The following SLC16A7 variants were observed in gnomAD, a reference collection of about 807,000 sequenced individuals.
The protein encoded by SLC16A7 is monocarboxylate transporter 2.
In SLC16A7, 33 loss-of-function variants were observed where a neutral mutation model predicts 34.9. The ratio of observed to expected loss-of-function variants is 0.94; its 90% CI spans 0.72 to 1.26. The LOEUF is 1.26. Ranked by LOEUF, SLC16A7 falls within the 50% of genes most tolerant of loss-of-function variation. The probability of loss-of-function intolerance (pLI) is 0.00; values close to 1 mark genes in which losing one functional copy is unlikely to be tolerated. For missense variants in SLC16A7, 573 were observed against 578.1 expected, an observed-to-expected ratio of 0.99 and a Z score of 0.09; for synonymous variants, 201 against 206.6, an observed-to-expected ratio of 0.97 and a Z score of 0.23.
At chr12:59,760,001 C>G (rs1880836802) in intron 3 of SLC16A7, among the ~76,000 whole-genome samples, 1 of 151,918 alleles carries the variant, frequency 6.6e-6, no homozygotes. Context: ...TGTGAACACC[C>G]TGGAATTTTC....
At chr12:59,690,953 T>C (rs1249289262) in intron 2 of SLC16A7, among the ~76,000 whole-genome samples, 3 of 151,978 alleles carry the variant, frequency 2.0e-5, no homozygotes, top group African/African-American at 7.2e-5. Context: ...AAGAAAATTT[T>C]ATATTTAATA....
chr12:59,645,711 A>G (rs935471641), intron 1 of SLC16A7, among the ~76,000 whole-genome samples: 3 of 152,158 alleles, frequency 2.0e-5, no homozygotes, highest in African/African-American at 7.2e-5. Flanking sequence ...TGTGGAAGCA[A>G]CTTTGGAACT....
rs143688916 is a variant in SLC16A7, at chr12:59,775,224, G to A, written c.929G>A (p.Arg310Gln). 2.8e-5 allele frequency: 45 copies of A among 1,614,066 alleles called. No homozygotes were observed. Among genetic ancestry groups the A allele is most frequent in the Non-Finnish European group, 3.4e-5 (40 of 1,179,980 alleles). ...TTAATTGCAAACTCCAAATATATTC[G>A]ACCTCGAATTCAGTACTTCTTCAGT... ...VGLIANSKYI[R>Q]PRIQYFFSFA... Residue 310 changes from arginine (R) to glutamine (Q), a missense_variant, in exon 5 of 6, where the codon CGA becomes CAA. By Grantham distance (43) the Arg-to-Gln change is conservative. Coordinates refer to ENST00000547379, the MANE Select transcript of SLC16A7 (RefSeq NM_001270623.2).
intron 1 of SLC16A7, among the ~76,000 whole-genome samples, chr12:59,598,184 T>C (rs1386155737): frequency 6.6e-6 from 1 of 152,242 alleles, no homozygotes; most frequent in African/African-American, 2.4e-5. Context: ...AAAAAGGGAA[T>C]TAACTTTAGA....
intron 3 of SLC16A7, among the ~76,000 whole-genome samples, chr12:59,750,848 G>C (rs1398544259): frequency 6.6e-6 from 1 of 152,102 alleles, no homozygotes; most frequent in Non-Finnish European, 1.5e-5. Context: ...AAGAAAATGT[G>C]GCGCATATAC....
chr12:59,619,384 A>T (rs1473085474), intron 1 of SLC16A7, among the ~76,000 whole-genome samples: 1 of 152,066 alleles, frequency 6.6e-6, no homozygotes, highest in Non-Finnish European at 1.5e-5. Flanking sequence ...GTTTCAATTA[A>T]AAGGTTTGCA....
chr12:59,620,195 A>G (rs915138937), intron 1 of SLC16A7, among the ~76,000 whole-genome samples: 2 of 151,732 alleles, frequency 1.3e-5, no homozygotes, highest in Non-Finnish European at 2.9e-5. Flanking sequence ...TTTTGCAACC[A>G]TTGTTCCCTG....
chr12:59,617,973 C>A (rs1001552592), intron 1 of SLC16A7, among the ~76,000 whole-genome samples: 1 of 151,808 alleles, frequency 6.6e-6, no homozygotes, highest in East Asian at 1.9e-4. Flanking sequence ...CTGGTAAAAG[C>A]TTTTAATTAC....
In SLC16A7 at chr12:59,789,775, A is replaced by G. The variant is rs1217100623; in HGVS notation, c.*10096A>G. The G allele has an allele frequency of 2.6e-5, 4 of 151,410 alleles. No individual in the cohort carries two copies. Among genetic ancestry groups the G allele is most frequent in the Admixed American group, 2.6e-4 (4 of 15,158 alleles). 9.4% of individuals were successfully genotyped at this position (151,410 alleles called of 1,614,324 possible). The stretch of plus-strand genomic sequence containing the variant: ...AGAAAGTACATGCATATATATTTCT[A>G]TAATATGTAAGAAAAAACCTGTATT... On this transcript the variant is annotated 3_prime_UTR_variant, in exon 6 of 6. Coordinates refer to ENST00000547379, the MANE Select transcript of SLC16A7 (RefSeq NM_001270623.2).
chr12:59,703,953 A>G (rs1027333594), intron 2 of SLC16A7, among the ~76,000 whole-genome samples: 9 of 151,896 alleles, frequency 5.9e-5, no homozygotes, highest in African/African-American at 2.2e-4. Context: ...CGTAATCCCA[A>G]CACATTGGGA....
At chr12:59,634,163 C>G (rs1880313834) in intron 1 of SLC16A7, among the ~76,000 whole-genome samples, 1 of 151,988 alleles carries the variant, frequency 6.6e-6, no homozygotes, top group Non-Finnish European at 1.5e-5. Context: ...CATACTACAT[C>G]AGGTCTGCCT....
intron 3 of SLC16A7, among the ~76,000 whole-genome samples, chr12:59,716,487 C>T (rs1874919131): frequency 1.3e-5 from 2 of 152,122 alleles, no homozygotes; most frequent in African/African-American, 4.8e-5. Context: ...TTTGGAATTT[C>T]TTTTAAATTT....
At chr12:59,624,155 C>T (rs1879819567) in intron 1 of SLC16A7, among the ~76,000 whole-genome samples, 1 of 151,412 alleles carries the variant, frequency 6.6e-6, no homozygotes, top group Admixed American at 6.6e-5. Context: ...CCAGCCAACT[C>T]AATAATTAAA....
intron 1 of SLC16A7, among the ~76,000 whole-genome samples, chr12:59,602,461 C>T (rs1389961945): frequency 6.7e-6 from 1 of 148,666 alleles, no homozygotes; most frequent in Non-Finnish European, 1.5e-5. Context: ...GTATGTCTTC[C>T]CCAGTTTGTG....
intron 1 of SLC16A7, among the ~76,000 whole-genome samples, chr12:59,605,186 G>A (rs1257849983): frequency 1.3e-5 from 2 of 152,096 alleles, no homozygotes; most frequent in Non-Finnish European, 2.9e-5. Flanking sequence ...TAATGAGTTT[G>A]GGTCTGTTAC....
chr12:59,740,056 C>T (rs1215846831), intron 3 of SLC16A7, among the ~76,000 whole-genome samples: 4 of 151,134 alleles, frequency 2.6e-5, no homozygotes, highest in South Asian at 2.1e-4. Context: ...TAATTAGATC[C>T]CATTTGTCAA....
At chr12:59,672,658 A>G (rs924562807) in intron 2 of SLC16A7, among the ~76,000 whole-genome samples, 1 of 152,124 alleles carries the variant, frequency 6.6e-6, no homozygotes, top group African/African-American at 2.4e-5. Flanking sequence ...AGATGTTTCT[A>G]TCACCATGTG....
At chr12:59,603,910 A>C (rs577942092) in intron 1 of SLC16A7, among the ~76,000 whole-genome samples, 1 of 152,176 alleles carries the variant, frequency 6.6e-6, no homozygotes, top group Non-Finnish European at 1.5e-5. Flanking sequence ...TTGTGACTCA[A>C]ATTTTCTTGT....
At chr12:59,753,648 T>A (rs1288960321) in intron 3 of SLC16A7, among the ~76,000 whole-genome samples, 2 of 151,832 alleles carry the variant, frequency 1.3e-5, no homozygotes, top group Non-Finnish European at 2.9e-5. Context: ...CTCCCACACA[T>A]TAATAATGGG....
Sources: gnomAD v4.1 joint callset for allele counts (sites outside exome capture counted in the v4.1 genomes callset) on GRCh38, gnomAD v4.1.1 for gene constraint, MANE v1.5 for transcripts, NCBI Gene and HGNC (gene_info 2026-07-23, HGNC 2026-07-21) for gene names.